The following GALNTL6 variants were observed in gnomAD, a reference collection of about 807,000 sequenced individuals.
GALNTL6 encodes polypeptide N-acetylgalactosaminyltransferase like 6.
GALNTL6 carries 46 observed loss-of-function variants against 73.7 expected under a neutral mutation model. The ratio of observed to expected loss-of-function variants is 0.62; its 90% CI spans 0.49 to 0.80. The LOEUF is 0.80. Among genes scored for constraint, GALNTL6 ranks in the 30% least tolerant of loss-of-function variants. GALNTL6 has a pLI of 0.00. For missense variants in GALNTL6, 604 were observed against 755.0 expected, an observed-to-expected ratio of 0.80 and a Z score of 2.34; for synonymous variants, 259 against 263.7, an observed-to-expected ratio of 0.98 and a Z score of 0.17.
At chr4:172,844,562 A>G (rs1250037380) in intron 7 of GALNTL6, among the ~76,000 whole-genome samples, 4 of 152,166 alleles carry the variant, frequency 2.6e-5, no homozygotes, top group East Asian at 1.9e-4. Flanking sequence ...TTTTTCTTTC[A>G]TTATGTTAAA....
In GALNTL6 at chr4:171,942,887, T is replaced by C. The variant is rs549124467; in HGVS notation, c.138+128169T>C. On this transcript the variant is annotated intron_variant, in intron 2 of 12. Coordinates refer to ENST00000506823, the MANE Select transcript of GALNTL6 (RefSeq NM_001034845.3). ...AGAATTCTTATTAAAAACTAAGTAA[T>C]ACAACTGAGGCTCAATCCATGGCAC... Among the ~76,000 whole-genome samples the C allele has an allele frequency of 1.4e-4, 22 of 152,280 alleles. No individual in the cohort carries two copies. The South Asian group carries it at 4.6e-3, about 32-fold the overall frequency.
At chr4:172,467,602 T>G (rs1732869041) in intron 5 of GALNTL6, among the ~76,000 whole-genome samples, 1 of 152,144 alleles carries the variant, frequency 6.6e-6, no homozygotes, top group Non-Finnish European at 1.5e-5. Context: ...ACTGGCACAC[T>G]GTCAATTATA....
chr4:172,877,104 G>A (rs763747164), intron 7 of GALNTL6, among the ~76,000 whole-genome samples: 32 of 152,086 alleles, frequency 2.1e-4, no homozygotes, highest in Non-Finnish European at 2.2e-4. Context: ...GGCCAAATTG[G>A]TAGTCTCCTT....
intron 5 of GALNTL6, among the ~76,000 whole-genome samples, chr4:172,583,620 G>A (rs1233577264): frequency 2.0e-5 from 3 of 152,036 alleles, no homozygotes; most frequent in South Asian, 2.1e-4. Flanking sequence ...TATCGGATGC[G>A]GCTGGGCGAG....
At chr4:172,615,632 A>T (rs895360446) in intron 5 of GALNTL6, among the ~76,000 whole-genome samples, 1 of 152,218 alleles carries the variant, frequency 6.6e-6, no homozygotes, top group Non-Finnish European at 1.5e-5. Context: ...TTTATGATGT[A>T]TGGCAAGAAT....
chr4:172,513,127 T>A (rs191402111), intron 5 of GALNTL6, among the ~76,000 whole-genome samples: 6 of 152,286 alleles, frequency 3.9e-5, no homozygotes, highest in Non-Finnish European at 8.8e-5. Context: ...CCAGCCTTCT[T>A]GGTAGCTTTG....
intron 5 of GALNTL6, among the ~76,000 whole-genome samples, chr4:172,433,496 T>C (rs1731529863): frequency 1.4e-5 from 1 of 72,252 alleles, no homozygotes; most frequent in Non-Finnish European, 3.0e-5. Flanking sequence ...GGACCAGAGA[T>C]TTGCGAAGAT....
chr4:172,952,635 C>G (rs1749515313), intron 10 of GALNTL6, among the ~76,000 whole-genome samples: 1 of 152,128 alleles, frequency 6.6e-6, no homozygotes, highest in African/African-American at 2.4e-5. Flanking sequence ...CCTACCCCAG[C>G]CTCCTGAGTA....
intron 5 of GALNTL6, among the ~76,000 whole-genome samples, chr4:172,428,999 G>T (rs1731331326): frequency 6.6e-6 from 1 of 151,936 alleles, no homozygotes; most frequent in African/African-American, 2.4e-5. Flanking sequence ...CTGATTCGGT[G>T]TCTGCTGAGA....
At chr4:171,930,578 T>C (rs969742793) in intron 2 of GALNTL6, among the ~76,000 whole-genome samples, 3 of 152,152 alleles carry the variant, frequency 2.0e-5, no homozygotes, top group African/African-American at 4.8e-5. Flanking sequence ...CTCATGCCTG[T>C]AATCCCAGCA....
At chr4:171,973,121 C>T (rs1739619967) in intron 2 of GALNTL6, among the ~76,000 whole-genome samples, 1 of 152,158 alleles carries the variant, frequency 6.6e-6, no homozygotes, top group South Asian at 2.1e-4. Context: ...ACCCACTTCA[C>T]ATTTTTAGCA....
At chr4:171,886,863 T>C (rs530460552) in intron 2 of GALNTL6, among the ~76,000 whole-genome samples, 13 of 152,202 alleles carry the variant, frequency 8.5e-5, no homozygotes, top group Admixed American at 5.9e-4. Context: ...GGAAAAGCCA[T>C]AGAAGTATGT....
At chr4:172,202,707 C>A (rs937918643) in intron 2 of GALNTL6, among the ~76,000 whole-genome samples, 3 of 152,110 alleles carry the variant, frequency 2.0e-5, no homozygotes, top group Middle Eastern at 6.8e-3. Context: ...CAGTAGGAAA[C>A]CCAAAGGGGA....
chr4:172,413,422 A>G (rs1744514852), intron 5 of GALNTL6, among the ~76,000 whole-genome samples: 1 of 152,222 alleles, frequency 6.6e-6, no homozygotes, highest in South Asian at 2.1e-4. Flanking sequence ...GCAATGCATA[A>G]TACTTGAAAG....
chr4:171,977,746 T>C (rs138398742), intron 2 of GALNTL6, among the ~76,000 whole-genome samples: 1 of 152,344 alleles, frequency 6.6e-6, no homozygotes, highest in Non-Finnish European at 1.5e-5. Flanking sequence ...AATGCATCTG[T>C]TGCATATTGT....
chr4:172,490,830 G>C (rs1733869459), intron 5 of GALNTL6, among the ~76,000 whole-genome samples: 1 of 152,134 alleles, frequency 6.6e-6, no homozygotes, highest in Non-Finnish European at 1.5e-5. Context: ...GAAAGAGTCA[G>C]ATTGTACCGC....
rs181251994 is a variant in GALNTL6, at chr4:172,321,747, A to T, written c.386+9995A>T. 8.1e-4 allele frequency among the ~76,000 whole-genome samples: 123 copies of T among 152,286 alleles called. 2 individuals are homozygous for T. In the South Asian group the frequency reaches 0.016, roughly 20 times the overall value. On this transcript the variant is annotated intron_variant, in intron 4 of 12. Transcript: ENST00000506823. ...GAAGGAAGAAATATCAATGTTACAA[A>T]AGGTAGTAAGGCAGACAAAAGCAGG... is the stretch of plus-strand genomic sequence containing the variant.
intron 2 of GALNTL6, among the ~76,000 whole-genome samples, chr4:172,098,109 T>G (rs1042126709): frequency 1.3e-5 from 2 of 152,082 alleles, no homozygotes; most frequent in African/African-American, 4.8e-5. Context: ...CTATAAAAAT[T>G]AAAGCATTTC....
chr4:172,130,370 T>C (rs937936386), intron 2 of GALNTL6, among the ~76,000 whole-genome samples: 13 of 151,940 alleles, frequency 8.6e-5, no homozygotes, highest in African/African-American at 3.1e-4. Context: ...TTCTTAATTT[T>C]CCAGGTAATC....
Sources: gnomAD v4.1 joint callset for allele counts (sites outside exome capture counted in the v4.1 genomes callset) on GRCh38, gnomAD v4.1.1 for gene constraint, MANE v1.5 for transcripts, NCBI Gene and HGNC (gene_info 2026-07-23, HGNC 2026-07-21) for gene names.